KATNA1: variants seen among roughly 807,000 people sequenced by gnomAD.
KATNA1 encodes katanin catalytic subunit A1.
KATNA1 carries 42 observed loss-of-function variants against 62.6 expected under a neutral mutation model. That is an observed-to-expected ratio of 0.67 (90% CI 0.52 to 0.87). The LOEUF (loss-of-function observed/expected upper bound fraction) is 0.87, where lower values mean the gene tolerates loss of function less well. KATNA1 is among the 40% of genes least tolerant of loss of function. The pLI is 0.00. For synonymous variants in KATNA1, 186 were observed against 201.9 expected (o/e 0.92, Z 0.67); for missense variants, 498 against 612.5 (o/e 0.81, Z 1.97).
chr6:149,625,676 G>A (rs1038216747), intron 3 of KATNA1, among the ~76,000 whole-genome samples: 2 of 151,566 alleles, frequency 1.3e-5, no homozygotes, highest in Admixed American at 6.6e-5. Context: ...GCTCACGCCT[G>A]TAATTCCAGT....
chr6:149,614,265 T>G (rs1427304115), intron 4 of KATNA1, among the ~76,000 whole-genome samples: 1 of 152,168 alleles, frequency 6.6e-6, no homozygotes, highest in East Asian at 1.9e-4. Flanking sequence ...CGAATGCAGC[T>G]TCTGACCTTG....
intron 1 of KATNA1, among the ~76,000 whole-genome samples, chr6:149,639,396 C>A (rs1176471252): frequency 1.3e-5 from 2 of 151,810 alleles, no homozygotes; most frequent in African/African-American, 4.8e-5. Flanking sequence ...GTCAGGAGAT[C>A]AAGACCATCC....
rs1193519113 is a variant in KATNA1 at position 149,597,573 on chromosome 6, G to A, written c.1084C>T (p.Pro362Ser). 1.2e-6 allele frequency: 2 copies of A among 1,613,844 alleles called. No homozygotes were observed. The highest frequency in any genetic ancestry group is 2.7e-5 in the African/African-American group (2 of 74,922). ...CTTAAAGCCTCATCTATATCCCAGG[G>A]AAAATTAGTAGCTGCCAGAACCATA... The part of the protein sequence containing the change: ...MVMVLAATNF[P>S]WDIDEALRRR... The change falls in exon 9 of 11, where the codon CCC (proline) becomes TCC (serine). Residue 362 changes from proline (P) to serine (S), a missense_variant. Pro to Ser is a moderately conservative substitution (Grantham distance 74). Coordinates refer to ENST00000367411, the MANE Select transcript of KATNA1 (RefSeq NM_007044.4).
intron 4 of KATNA1, among the ~76,000 whole-genome samples, chr6:149,618,565 T>A (rs560242170): frequency 7.5e-4 from 114 of 152,206 alleles, no homozygotes; most frequent in African/African-American, 2.6e-3. Context: ...GTTGGAGACA[T>A]CACACTACTT....
intron 4 of KATNA1, among the ~76,000 whole-genome samples, chr6:149,620,881 T>G (rs1779366576): frequency 6.6e-6 from 1 of 152,190 alleles, no homozygotes; most frequent in South Asian, 2.1e-4. Flanking sequence ...ACACTGGCAT[T>G]AGAAAATTAT....
chr6:149,603,835 G>A (rs1441996727), intron 5 of KATNA1, among the ~76,000 whole-genome samples: 1 of 152,148 alleles, frequency 6.6e-6, no homozygotes, highest in Non-Finnish European at 1.5e-5. Flanking sequence ...AGGTTAAAGA[G>A]TATCACAGAG....
At chr6:149,601,794 A>G (rs758435107) in intron 6 of KATNA1, 42 bp from the exon 7 acceptor site, 5 of 1,435,536 alleles carry the variant, frequency 3.5e-6, no homozygotes, top group East Asian at 5.0e-5. Context: ...TTTATCTGCC[A>G]TTGTTCTAAT....
intron 4 of KATNA1, among the ~76,000 whole-genome samples, chr6:149,619,569 T>C (rs988767949): frequency 1.3e-5 from 2 of 150,934 alleles, no homozygotes; most frequent in African/African-American, 2.4e-5. Context: ...GCCAAGATGA[T>C]GCCACTGCAC....
intron 1 of KATNA1, among the ~76,000 whole-genome samples, chr6:149,646,932 T>C (rs923550838): frequency 2.0e-5 from 3 of 152,156 alleles, no homozygotes; most frequent in Non-Finnish European, 4.4e-5. Flanking sequence ...TTCAACAATG[T>C]TGTTAATAGA....
chr6:149,606,129 T>C (rs1778731137), intron 4 of KATNA1, among the ~76,000 whole-genome samples: 1 of 151,962 alleles, frequency 6.6e-6, no homozygotes, highest in African/African-American at 2.4e-5. Flanking sequence ...AGAGAGAAAA[T>C]CAATGTGGAA....
At position 149,630,044 on chromosome 6, in the gene KATNA1, G is replaced by A. The variant is rs535365851; in HGVS notation, c.320+2715C>T. Among the ~76,000 whole-genome samples the A allele has an allele frequency of 3.9e-4, 59 of 152,210 alleles. No individual in the cohort carries two copies. The South Asian group carries it at 0.012, about 31-fold the overall frequency. On this transcript the variant is annotated intron_variant, in intron 3 of 10. Transcript: ENST00000367411. ...TTATTAGGATTTTTCTTAAAAGAGGGTACAATGTTGTAAATTATGGATATA... is the reference window on the plus strand; with the variant it reads ...TTATTAGGATTTTTCTTAAAAGAGGATACAATGTTGTAAATTATGGATATA...
chr6:149,621,665 G>GT (rs201559068), intron 4 of KATNA1, among the ~76,000 whole-genome samples: 4,066 of 151,350 alleles, frequency 0.027, 163 homozygotes, highest in African/African-American at 0.093. Flanking sequence ...GCTAATTTTT[G>GT]TATTTTTAGT....
At chr6:149,602,074 A>G (rs918636394) in intron 6 of KATNA1, among the ~76,000 whole-genome samples, 6 of 152,198 alleles carry the variant, frequency 3.9e-5, no homozygotes, top group Admixed American at 3.9e-4. Context: ...GTTTAAAAAT[A>G]TAACTTATTC....
chr6:149,622,861 T>C (rs1008117170), intron 4 of KATNA1, among the ~76,000 whole-genome samples: 2 of 151,624 alleles, frequency 1.3e-5, no homozygotes, highest in Non-Finnish European at 2.9e-5. Context: ...AATACAAAAT[T>C]AGCTCGATGT....
Position 149,639,773 on chromosome 6 carries a change from T to C in KATNA1, c.-13-1213A>G, listed in dbSNP as rs1035737431. Among the ~76,000 whole-genome samples the C allele has an allele frequency of 2.0e-5, 3 of 152,168 alleles. No homozygotes were observed. In the East Asian group the frequency reaches 5.8e-4, roughly 29 times the overall value. On this transcript the variant is annotated intron_variant, in intron 1 of 10. Transcript: ENST00000367411. ...CCTCCTCTAAAGTCCCCTTGCACTT[T>C]ACTGTGACTTTCATCCCAAGACACT...
intron 4 of KATNA1, among the ~76,000 whole-genome samples, chr6:149,621,274 C>A (rs894009592): frequency 1.3e-5 from 2 of 151,450 alleles, no homozygotes; most frequent in African/African-American, 2.4e-5. Flanking sequence ...CAGGCGCCTG[C>A]CACCTCGCCT....
At chr6:149,618,789 G>T (rs992676879) in intron 4 of KATNA1, among the ~76,000 whole-genome samples, 3 of 152,088 alleles carry the variant, frequency 2.0e-5, no homozygotes, top group African/African-American at 7.2e-5. Context: ...CAGAAATAAG[G>T]AGCTAGACCC....
At chr6:149,623,050 C>CA in intron 4 of KATNA1, 53 bp downstream of exon 4, 1 of 1,327,052 alleles carries the variant, frequency 7.5e-7, no homozygotes, top group Non-Finnish European at 1.0e-6. Flanking sequence ...GTACAGTCTT[C>CA]ATTTTTACGG....
intron 8 of KATNA1, 74 bp downstream of exon 8, chr6:149,598,150 T>G: frequency 6.5e-7 from 1 of 1,540,776 alleles, no homozygotes; most frequent in Non-Finnish European, 8.9e-7. Flanking sequence ...TGAGTAAAGT[T>G]TGACCCACTG....
Sources: allele counts gnomAD v4.1 joint callset (sites outside exome capture counted in the v4.1 genomes callset), GRCh38; gene constraint gnomAD v4.1.1; transcripts MANE v1.5; gene names NCBI Gene and HGNC (gene_info 2026-07-23, HGNC 2026-07-21).